PDK3: variants seen among roughly 807,000 people sequenced by gnomAD.
PDK3 encodes the protein pyruvate dehydrogenase kinase 3.
A neutral mutation model predicts 32.0 loss-of-function variants in PDK3; 12 were observed. The ratio of observed to expected loss-of-function variants is 0.37; its 90% CI spans 0.24 to 0.61. PDK3 has a LOEUF of 0.61. Ranked by LOEUF, PDK3 falls within the 20% of genes least tolerant of loss-of-function variation. The pLI is 0.65. For missense variants in PDK3, 188 were observed against 316.9 expected, an observed-to-expected ratio of 0.59 and a Z score of 3.09; for synonymous variants, 122 against 116.3, an observed-to-expected ratio of 1.05 and a Z score of -0.31.
At chrX:24,491,206 C>A (rs1313217423) in intron 1 of PDK3, among the ~76,000 whole-genome samples, 3 of 106,343 alleles carry the variant, frequency 2.8e-5, no homozygotes, top group Non-Finnish European at 3.9e-5. Context: ...CCCAGCTACT[C>A]CAGAGGCTGA....
At position 24,534,327 on chromosome X, in the gene PDK3, G is replaced by A. The variant is rs1489259355; in HGVS notation, c.*255G>A. 7.4e-6 allele frequency: 5 copies of A among 676,709 alleles called. No individual in the cohort carries two copies. The highest frequency in any genetic ancestry group is 9.5e-6 in the Non-Finnish European group (5 of 524,262). The allele number at this position is 676,709 out of a possible 1,213,427, so 55.8% of individuals were successfully genotyped here. A position where few individuals can be genotyped will look rare whatever the true frequency, so the allele number is the denominator to read the frequency against. ...TATCCATCCAATGGAATATTATTTG[G>A]CCTTAAAAAGGAAGGACATTCTGAT... On this transcript the variant is annotated 3_prime_UTR_variant, in exon 11 of 11. Transcript: ENST00000379162.
At chrX:24,523,239 C>T (rs1392235421) in intron 6 of PDK3, among the ~76,000 whole-genome samples, 2 of 112,173 alleles carry the variant, frequency 1.8e-5, no homozygotes, top group East Asian at 5.6e-4. Context: ...TAATCCCATC[C>T]ATAAGGGCTC....
intron 1 of PDK3, among the ~76,000 whole-genome samples, chrX:24,470,307 T>C (rs1193615792): frequency 8.9e-6 from 1 of 112,294 alleles, no homozygotes; most frequent in Non-Finnish European, 1.9e-5. Context: ...AGTTTTGCTC[T>C]CTGATAGCTT....
At chrX:24,492,375 G>T (rs1185065308) in intron 1 of PDK3, among the ~76,000 whole-genome samples, 1 of 108,890 alleles carries the variant, frequency 9.2e-6, no homozygotes, top group Non-Finnish European at 1.9e-5. Context: ...GATCACTTGA[G>T]GTCAGGAGTT....
chrX:24,465,303 G>C lies in PDK3; in HGVS notation c.-153G>C, dbSNP rs986512103. The C allele has an allele frequency of 8.6e-6, 3 of 348,740 alleles. No individual in the cohort carries two copies. The highest frequency in any genetic ancestry group is 1.4e-5 in the Non-Finnish European group (3 of 207,379). The allele number at this position is 348,740 out of a possible 1,213,427, so 28.7% of individuals were successfully genotyped here. The stretch of plus-strand genomic sequence containing the variant: ...GGCCCGCCGCTGTCCTGGAGCTGCT[G>C]CTGCTGCTGCGGCGGCTGCACCGGC... On this transcript the variant is annotated 5_prime_UTR_variant, in exon 1 of 11. Transcript: ENST00000379162.
chrX:24,541,160 C>T (rs1922887568), exon 12 of PDK3, among the ~76,000 whole-genome samples: 2 of 108,795 alleles, frequency 1.8e-5, no homozygotes, highest in South Asian at 8.2e-4. Flanking sequence ...ACCTACCCAC[C>T]TCAGCCTCCC....
intron 1 of PDK3, among the ~76,000 whole-genome samples, chrX:24,491,175 A>G (rs1230321002): frequency 9.2e-6 from 1 of 108,599 alleles, no homozygotes; most frequent in Non-Finnish European, 1.9e-5. Flanking sequence ...TTAGCCGGGC[A>G]TGGTGGCGGA....
intron 5 of PDK3, among the ~76,000 whole-genome samples, chrX:24,514,467 A>G (rs1922203228): frequency 1.8e-5 from 2 of 111,914 alleles, no homozygotes; most frequent in Middle Eastern, 4.2e-3. Flanking sequence ...TATTGGCCCC[A>G]GTATGCACAT....
chrX:24,499,000 G>A, intron 3 of PDK3, 100 bp downstream of exon 3: 2 of 447,875 alleles, frequency 4.5e-6, no homozygotes, highest in Non-Finnish European at 7.1e-6. Context: ...TATGAATGTG[G>A]ACAAAAGCGT....
At chrX:24,543,277 T>C (rs1261334195) in exon 12 of PDK3, among the ~76,000 whole-genome samples, 1 of 110,989 alleles carries the variant, frequency 9.0e-6, no homozygotes, top group Non-Finnish European at 1.9e-5. Flanking sequence ...TTCACAGTTA[T>C]CTTTCCTTAG....
intron 5 of PDK3, among the ~76,000 whole-genome samples, chrX:24,517,739 T>A (rs1189187223): frequency 8.9e-6 from 1 of 112,661 alleles, no homozygotes; most frequent in Admixed American, 9.4e-5. Context: ...GTTTCTGTAA[T>A]GGCTCTTATC....
chrX:24,479,321 C>T, intron 1 of PDK3, among the ~76,000 whole-genome samples: 1 of 112,163 alleles, frequency 8.9e-6, no homozygotes, highest in Non-Finnish European at 1.9e-5. Context: ...AGCTGCTTGT[C>T]TCAGGGAGTC....
intron 1 of PDK3, among the ~76,000 whole-genome samples, chrX:24,469,725 A>G (rs1413412522): frequency 9.0e-6 from 1 of 111,497 alleles, no homozygotes; most frequent in African/African-American, 3.3e-5. Context: ...GCCCAGATTG[A>G]AGCTGCAGTG....
intron 9 of PDK3, among the ~76,000 whole-genome samples, chrX:24,529,282 T>C (rs1241959973): frequency 8.9e-6 from 1 of 112,115 alleles, no homozygotes; most frequent in Non-Finnish European, 1.9e-5. Context: ...TCATAGGTTT[T>C]TTTTCTTATT....
intron 1 of PDK3, among the ~76,000 whole-genome samples, chrX:24,472,708 C>T (rs1405844051): frequency 1.0e-4 from 3 of 29,591 alleles, no homozygotes; most frequent in Non-Finnish European, 1.8e-4. Flanking sequence ...TTTTGTGAGA[C>T]GGAGTTTTTG....
chrX:24,505,911 C>G (rs377603079), intron 5 of PDK3, among the ~76,000 whole-genome samples: 1 of 111,326 alleles, frequency 9.0e-6, no homozygotes, highest in African/African-American at 3.3e-5. Flanking sequence ...CCACCAGGTA[C>G]CTCTTCAGTT....
Position 24,528,188 on chromosome X carries a change from T to C in PDK3, c.963+2T>C. 1.9e-6 allele frequency: 2 copies of C among 1,039,132 alleles called. No individual in the cohort carries two copies. The highest frequency in any genetic ancestry group is 1.4e-6 in the Non-Finnish European group (1 of 739,974). 85.6% of individuals were successfully genotyped at this position (1,039,132 alleles called of 1,213,427 possible). ...GAGCCTACCAGAGCTGCCCCTTTGG[T>C]AAGCATCTGAAAGTGCTGCTGAAGG... is the stretch of plus-strand genomic sequence containing the variant. On this transcript the variant is annotated splice_donor_variant, in intron 9 of 10. Transcript: ENST00000379162. LOFTEE classifies it high-confidence loss of function.
intron 1 of PDK3, among the ~76,000 whole-genome samples, chrX:24,481,555 T>C (rs1210450939): frequency 8.9e-6 from 1 of 111,898 alleles, no homozygotes; most frequent in Non-Finnish European, 1.9e-5. Context: ...TGTTGAGTTA[T>C]GATTTTCAGT....
chrX:24,490,098 C>G (rs957995539), intron 1 of PDK3, among the ~76,000 whole-genome samples: 53 of 111,813 alleles, frequency 4.7e-4, no homozygotes, highest in African/African-American at 1.7e-3. Context: ...TAATTAGCCC[C>G]TCTTCTAAGT....
Sources: gnomAD v4.1 joint callset for allele counts (sites outside exome capture counted in the v4.1 genomes callset) on GRCh38, gnomAD v4.1.1 for gene constraint, MANE v1.5 for transcripts, NCBI Gene and HGNC (gene_info 2026-07-23, HGNC 2026-07-21) for gene names.